Variants in DIAPH2 observed in about 807,000 individuals in gnomAD.
DIAPH2 encodes the protein protein diaphanous homolog 2.
In DIAPH2, 35 loss-of-function variants were observed where a neutral mutation model predicts 92.7. That is an observed-to-expected ratio of 0.38 (90% confidence interval 0.29 to 0.50). The LOEUF is 0.50. Among genes scored for constraint, DIAPH2 ranks in the 20% least tolerant of loss-of-function variants. DIAPH2 has a pLI of 0.94. For synonymous variants in DIAPH2, 301 were observed against 280.4 expected (o/e 1.07, Z -0.73); for missense variants, 701 against 819.5 (o/e 0.86, Z 1.77).
At chrX:97,077,266 A>G (rs2147915384) in intron 19 of DIAPH2, among the ~76,000 whole-genome samples, 1 of 111,773 alleles carries the variant, frequency 8.9e-6, no homozygotes, top group African/African-American at 3.2e-5. Flanking sequence ...GTCAGGAGAA[A>G]AGACTATAAT....
chrX:97,545,522 G>GAAAAAA (rs533114886), intron 26 of DIAPH2, among the ~76,000 whole-genome samples: 1 of 67,030 alleles, frequency 1.5e-5, no homozygotes, highest in African/African-American at 5.7e-5. Context: ...TAAGTTTGAT[G>GAAAAAA]AAAAAAAAAA....
chrX:97,021,463 GC>G (rs2066297310), intron 17 of DIAPH2, among the ~76,000 whole-genome samples: 2 of 112,034 alleles, frequency 1.8e-5, no homozygotes, highest in South Asian at 7.5e-4. Flanking sequence ...TTCCCAAAGT[GC>G]TGAGATTATA....
At chrX:97,170,315 AT>A (rs2067442561) in intron 22 of DIAPH2, among the ~76,000 whole-genome samples, 1 of 112,024 alleles carries the variant, frequency 8.9e-6, no homozygotes, top group Non-Finnish European at 1.9e-5. Flanking sequence ...ACATACTATA[AT>A]GTTTAGAGTT....
At chrX:97,282,390 A>C (rs914970630) in intron 23 of DIAPH2, among the ~76,000 whole-genome samples, 10 of 111,376 alleles carry the variant, frequency 9.0e-5, no homozygotes, top group Non-Finnish European at 1.9e-4. Context: ...GCTCACTGCA[A>C]CCTCCGCCAC....
At position 96,783,428 on chromosome X, in the gene DIAPH2, C is replaced by A. The variant is rs769513497; in HGVS notation, c.447+25170C>A. On this transcript the variant is annotated intron_variant, in intron 4 of 26. Coordinates refer to ENST00000324765, the MANE Select transcript of DIAPH2 (RefSeq NM_006729.5). ...ACATGATCGTTCATAGTGGTAACAT[C>A]GATGGCTTGTAGATATTAAAGCCAT... 3.6e-5 allele frequency among the ~76,000 whole-genome samples: 4 copies of A among 112,360 alleles called. No homozygotes were observed. The East Asian group carries it at 1.1e-3, about 31-fold the overall frequency.
rs140034783 is a variant in DIAPH2 at position 97,291,279 on chromosome X, A to C, written c.2844+43440A>C. Among the ~76,000 whole-genome samples, 37 of 110,805 alleles carry C rather than the reference A, an allele frequency of 3.3e-4. No homozygotes were observed. In the East Asian group the frequency reaches 0.01, roughly 31 times the overall value. Reference sequence around the variant, plus strand: ...TTGGCACGTGCCCATAATCCCAGCTACTTGGTGGCTGAGGCAGGAGAATTG... The same window carrying C: ...TTGGCACGTGCCCATAATCCCAGCTCCTTGGTGGCTGAGGCAGGAGAATTG... On this transcript the variant is annotated intron_variant, in intron 23 of 26. Transcript: ENST00000324765.
chrX:97,015,810 T>C (rs1014904747), intron 17 of DIAPH2, among the ~76,000 whole-genome samples: 13 of 92,560 alleles, frequency 1.4e-4, no homozygotes, highest in Non-Finnish European at 2.3e-4. Context: ...AAAAAAAGCC[T>C]CATCTAGCAG....
intron 19 of DIAPH2, among the ~76,000 whole-genome samples, chrX:97,088,268 A>T (rs1024655807): frequency 9.0e-6 from 1 of 111,688 alleles, no homozygotes; most frequent in Non-Finnish European, 1.9e-5. Flanking sequence ...TTTATCTTTT[A>T]AAATATGACT....
At chrX:96,863,566 A>G (rs1454999855) in intron 4 of DIAPH2, among the ~76,000 whole-genome samples, 2 of 110,874 alleles carry the variant, frequency 1.8e-5, no homozygotes, top group African/African-American at 6.5e-5. Context: ...ATAAATTACT[A>G]TTTAGATTTT....
At chrX:96,748,974 G>T (rs2064167545) in intron 3 of DIAPH2, among the ~76,000 whole-genome samples, 1 of 109,781 alleles carries the variant, frequency 9.1e-6, no homozygotes, top group African/African-American at 3.3e-5. Flanking sequence ...ATTGTCTATA[G>T]CTCCTTTGTG....
intron 26 of DIAPH2, among the ~76,000 whole-genome samples, chrX:97,556,719 A>C (rs1426225141): frequency 8.9e-6 from 1 of 111,921 alleles, no homozygotes; most frequent in Non-Finnish European, 1.9e-5. Context: ...AGGGGTCAGG[A>C]CTTCAACATG....
rs1296138439 is a variant in DIAPH2 at position 97,258,123 on chromosome X, C to T, written c.2844+10284C>T. On this transcript the variant is annotated intron_variant, in intron 23 of 26. Transcript: ENST00000324765. ...TTGTAGAGTAAGCAGGATGCTAACA[C>T]CTCATTATTCAAGGAATATCCAGAT... Among the ~76,000 whole-genome samples, 7 of 111,758 alleles carry T rather than the reference C, an allele frequency of 6.3e-5. No homozygotes were observed. The Admixed American group carries it at 6.7e-4, about 11-fold the overall frequency.
intron 25 of DIAPH2, among the ~76,000 whole-genome samples, chrX:97,415,334 C>A (rs2069931380): frequency 9.0e-6 from 1 of 111,520 alleles, no homozygotes; most frequent in Admixed American, 9.6e-5. Flanking sequence ...ACCATTTGAC[C>A]CAGCCATCCC....
At chrX:97,080,969 G>T in intron 19 of DIAPH2, among the ~76,000 whole-genome samples, 1 of 111,819 alleles carries the variant, frequency 8.9e-6, no homozygotes, top group Non-Finnish European at 1.9e-5. Flanking sequence ...CTTTACGAGG[G>T]TTGATGACTT....
chrX:96,768,300 T>A (rs1437254700), intron 4 of DIAPH2, among the ~76,000 whole-genome samples: 1 of 112,075 alleles, frequency 8.9e-6, no homozygotes, highest in Non-Finnish European at 1.9e-5. Flanking sequence ...CAACGGCTTT[T>A]TGGGAAAGCA....
intron 24 of DIAPH2, among the ~76,000 whole-genome samples, chrX:97,381,986 G>A (rs2069553962): frequency 1.8e-5 from 2 of 110,297 alleles, no homozygotes; most frequent in Admixed American, 1.9e-4. Flanking sequence ...CCATTAGATT[G>A]ATAATATAAT....
chrX:97,264,251 T>A (rs1030343034), intron 23 of DIAPH2, among the ~76,000 whole-genome samples: 3 of 111,810 alleles, frequency 2.7e-5, no homozygotes, highest in African/African-American at 9.7e-5. Context: ...AGGCTTTTTT[T>A]CTCTATCCTT....
intron 1 of DIAPH2, among the ~76,000 whole-genome samples, chrX:96,718,618 T>G (rs1196096441): frequency 1.8e-5 from 2 of 110,838 alleles, no homozygotes; most frequent in Middle Eastern, 4.7e-3. Flanking sequence ...CCTCCCAAAA[T>G]GCTGGGATTA....
intron 5 of DIAPH2, among the ~76,000 whole-genome samples, chrX:96,893,419 G>A (rs1354637341): frequency 1.8e-5 from 2 of 111,196 alleles, no homozygotes; most frequent in Non-Finnish European, 3.8e-5. Context: ...AAACGACATT[G>A]CATCTCTTTT....
Sources: gnomAD v4.1 joint callset for allele counts (sites outside exome capture counted in the v4.1 genomes callset) on GRCh38, gnomAD v4.1.1 for gene constraint, MANE v1.5 for transcripts, NCBI Gene and HGNC (gene_info 2026-07-23, HGNC 2026-07-21) for gene names.